Variants in TANK observed in about 807,000 individuals in gnomAD.
TANK encodes TRAF family member-associated NF-kappa-B activator.
TANK carries 15 observed loss-of-function variants against 43.6 expected under a neutral mutation model. The observed-to-expected ratio is 0.34, with a 90% CI of 0.23 to 0.53. The LOEUF (loss-of-function observed/expected upper bound fraction) is 0.53. Ranked by LOEUF, TANK falls within the 20% of genes least tolerant of loss-of-function variation. The probability of loss-of-function intolerance (pLI) is 0.94; values close to 1 mark genes in which losing one functional copy is unlikely to be tolerated. For synonymous variants in TANK, 162 were observed against 178.2 expected (o/e 0.91, Z 0.73); for missense variants, 417 against 498.6 (o/e 0.84, Z 1.56).
In TANK at chr2:161,222,836, T is replaced by C. The variant is rs141091827; in HGVS notation, c.328-1079T>C. ...TAATTCTGAGATACTATAAAAATAA[T>C]ACTCTATATATTTAAAGTATTTATT... On this transcript the variant is annotated intron_variant, in intron 4 of 7. Coordinates refer to ENST00000392749, the MANE Select transcript of TANK (RefSeq NM_001199135.3). The C allele has an allele frequency of 2.7e-3, 413 of 152,136 alleles. 4 individuals carry two copies. Among genetic ancestry groups the C allele is most frequent in the African/African-American group, 9.7e-3 (404 of 41,556 alleles). The allele number at this position is 152,136 out of a possible 1,614,324, so 9.4% of individuals were successfully genotyped here. A position where few individuals can be genotyped will look rare whatever the true frequency, so the allele number is the denominator to read the frequency against.
At chr2:161,193,978 G>A (rs1159938025) in intron 2 of TANK, among the ~76,000 whole-genome samples, 1 of 152,144 alleles carries the variant, frequency 6.6e-6, no homozygotes, top group Non-Finnish European at 1.5e-5. Flanking sequence ...AGAGTTTCAA[G>A]TATCACAAGA....
At chr2:161,222,748 T>C (rs1687410953) in intron 4 of TANK, 1 of 152,118 alleles carries the variant, frequency 6.6e-6, no homozygotes, top group Admixed American at 6.6e-5. Flanking sequence ...TTTATTTTAC[T>C]TCAGTCTGAC....
chr2:161,202,182 C>CTTTTTTTTTTTTTTTTTTTTTT (rs35913723), intron 2 of TANK, among the ~76,000 whole-genome samples: 1 of 78,132 alleles, frequency 1.3e-5, no homozygotes, highest in Non-Finnish European at 2.4e-5. Context: ...GCTCTAATTT[C>CTTTTTTTTTTTTTTTTTTTTTT]TTTTTTTTTT....
At chr2:161,161,329 G>A (rs936648903) in intron 1 of TANK, 1 of 1,550,686 alleles carries the variant, frequency 6.4e-7, no homozygotes, top group Middle Eastern at 1.7e-4. Flanking sequence ...TGGTAGTAAA[G>A]GAAGTGAAGA....
chr2:161,154,648 G>A (rs577256306), intron 1 of TANK, among the ~76,000 whole-genome samples: 3 of 152,226 alleles, frequency 2.0e-5, no homozygotes, highest in African/African-American at 7.2e-5. Context: ...CTGATTGGGT[G>A]ACTGATTGAA....
At chr2:161,225,678 A>G (rs548357330) in intron 6 of TANK, among the ~76,000 whole-genome samples, 2 of 152,306 alleles carry the variant, frequency 1.3e-5, no homozygotes, top group East Asian at 1.9e-4. Context: ...TCTGCAGACA[A>G]TTCCCAAAGG....
chr2:161,149,772 T>C (rs1400558979), intron 1 of TANK, among the ~76,000 whole-genome samples: 1 of 151,630 alleles, frequency 6.6e-6, no homozygotes, highest in Non-Finnish European at 1.5e-5. Context: ...TTTTCTATGA[T>C]GTGGTGCATT....
chr2:161,210,068 G>C (rs1686812490), intron 4 of TANK, among the ~76,000 whole-genome samples: 1 of 152,182 alleles, frequency 6.6e-6, no homozygotes, highest in Admixed American at 6.5e-5. Context: ...AAAGATGTCA[G>C]TTAAACAGTT....
At chr2:161,157,012 C>T (rs1439823449), upstream of TANK, among the ~76,000 whole-genome samples, 1 of 152,168 alleles carries the variant, frequency 6.6e-6, no homozygotes, top group Non-Finnish European at 1.5e-5. Flanking sequence ...TGCTGGTATT[C>T]TCTAGGCCGT....
At chr2:161,161,404 A>G in intron 1 of TANK, 1 of 1,550,928 alleles carries the variant, frequency 6.4e-7, no homozygotes, top group Non-Finnish European at 8.7e-7. Flanking sequence ...ATACACACCC[A>G]AACGAGAGGT....
At chr2:161,152,285 TAGTC>T (rs1684101540) in intron 1 of TANK, among the ~76,000 whole-genome samples, 1 of 152,186 alleles carries the variant, frequency 6.6e-6, no homozygotes, top group South Asian at 2.1e-4. Context: ...TATCTCCTAG[TAGTC>T]AGCCTGAAGT....
intron 1 of TANK, among the ~76,000 whole-genome samples, chr2:161,145,236 T>G (rs955821427): frequency 1.3e-5 from 2 of 149,736 alleles, no homozygotes; most frequent in Non-Finnish European, 3.0e-5. Flanking sequence ...GTGAGATAGG[T>G]CTCCCAAATA....
At chr2:161,230,795 C>T (rs536037019) in intron 6 of TANK, among the ~76,000 whole-genome samples, 176 bp from the exon 7 acceptor site, 7 of 152,274 alleles carry the variant, frequency 4.6e-5, no homozygotes, top group Non-Finnish European at 7.4e-5. Context: ...TCAGTTCACC[C>T]GCTGGAGACT....
chr2:161,215,299 T>G (rs1017935529), intron 4 of TANK, among the ~76,000 whole-genome samples: 7 of 152,246 alleles, frequency 4.6e-5, no homozygotes, highest in Admixed American at 4.6e-4. Flanking sequence ...TGTCATGTTC[T>G]AAGAATATTC....
At chr2:161,197,234 A>G (rs1297653654) in intron 2 of TANK, 1 of 152,248 alleles carries the variant, frequency 6.6e-6, no homozygotes, top group Admixed American at 6.5e-5. Flanking sequence ...TGCGATTTTT[A>G]TAACTATAGC....
chr2:161,174,384 C>T (rs889756840), intron 1 of TANK, among the ~76,000 whole-genome samples: 41 of 152,112 alleles, frequency 2.7e-4, no homozygotes, highest in African/African-American at 8.7e-4. Context: ...ATCATATCAT[C>T]TCTTTACTTC....
chr2:161,219,467 G>A (rs1235527241), intron 4 of TANK, among the ~76,000 whole-genome samples: 4 of 152,176 alleles, frequency 2.6e-5, no homozygotes, highest in African/African-American at 9.7e-5. Context: ...AAGGCTCCTA[G>A]GATTTGTGTT....
intron 4 of TANK, chr2:161,207,972 C>T: frequency 1.1e-6 from 1 of 884,470 alleles, no homozygotes; most frequent in Non-Finnish European, 1.4e-6. Context: ...AATCAATTGG[C>T]CTAGCTTCTA....
At chr2:161,234,760 T>C (rs1159078894) in intron 7 of TANK, among the ~76,000 whole-genome samples, 1 of 152,200 alleles carries the variant, frequency 6.6e-6, no homozygotes, top group Non-Finnish European at 1.5e-5. Flanking sequence ...ATATTTGTGT[T>C]TTTAAAAACA....
Sources: allele counts gnomAD v4.1 joint callset (sites outside exome capture counted in the v4.1 genomes callset), GRCh38; gene constraint gnomAD v4.1.1; transcripts MANE v1.5; gene names NCBI Gene and HGNC (gene_info 2026-07-23, HGNC 2026-07-21).